The following TBPL2 variants were observed in gnomAD, a reference collection of about 807,000 sequenced individuals.
TBPL2 encodes the protein TATA-box binding protein like 2, also known as TATA box-binding protein-like 2.
A neutral mutation model predicts 38.2 loss-of-function variants in TBPL2; 40 were observed. The observed-to-expected ratio is 1.05, with a 90% CI of 0.81 to 1.36. The LOEUF is 1.36. Ranked by LOEUF, TBPL2 falls within the 40% of genes most tolerant of loss-of-function variation. The pLI, the probability that TBPL2 is intolerant of heterozygous loss-of-function variation, is 0.00. For synonymous variants in TBPL2, 169 were observed against 171.7 expected, an observed-to-expected ratio of 0.98 and a Z score of 0.12; for missense variants, 461 against 456.7, an observed-to-expected ratio of 1.01 and a Z score of -0.09.
chr14:55,435,295 G>C (rs1358618225), intron 3 of TBPL2, among the ~76,000 whole-genome samples: 1 of 91,866 alleles, frequency 1.1e-5, no homozygotes, highest in Non-Finnish European at 2.2e-5. Flanking sequence ...TTTTTTTTTT[G>C]GAGACGGAGT....
At chr14:55,425,031 CA>C (rs1361720586) in intron 5 of TBPL2, among the ~76,000 whole-genome samples, 4 of 152,212 alleles carry the variant, frequency 2.6e-5, no homozygotes, top group Admixed American at 2.6e-4. Flanking sequence ...AGCAATGGAA[CA>C]CTAGCATCTT....
At chr14:55,434,280 T>C (rs1885979799) in intron 3 of TBPL2, among the ~76,000 whole-genome samples, 2 of 152,148 alleles carry the variant, frequency 1.3e-5, no homozygotes, top group African/African-American at 2.4e-5. Context: ...TTGCCTCTTA[T>C]AGTTCTCAAA....
chr14:55,429,375 C>A (rs1430334832), intron 4 of TBPL2, among the ~76,000 whole-genome samples: 2 of 152,186 alleles, frequency 1.3e-5, no homozygotes, highest in African/African-American at 2.4e-5. Context: ...GGGGGTGGGG[C>A]CGAGCAATCT....
chr14:55,416,117 T>C (rs149736526), intron 6 of TBPL2, among the ~76,000 whole-genome samples: 18 of 152,254 alleles, frequency 1.2e-4, no homozygotes, highest in Non-Finnish European at 2.1e-4. Context: ...TTTAATGATA[T>C]CAGGTTTTAT....
At chr14:55,439,618 C>CCCCCCCCG (rs1555344751) in intron 1 of TBPL2, among the ~76,000 whole-genome samples, 1 of 60,244 alleles carries the variant, frequency 1.7e-5, no homozygotes, top group African/African-American at 7.7e-5. Context: ...AAGCAAACCC[C>CCCCCCCCG]CCCCCGTCTC....
At chr14:55,436,755 G>C in exon 2 of TBPL2, 1 of 1,614,196 alleles carries the variant, frequency 6.2e-7, no homozygotes, top group Non-Finnish European at 8.5e-7. Context: ...CGTCCTGTTC[G>C]CTGGGTGATG....
At chr14:55,419,950 A>G (rs1051428030) in intron 6 of TBPL2, among the ~76,000 whole-genome samples, 2 of 152,212 alleles carry the variant, frequency 1.3e-5, no homozygotes, top group African/African-American at 4.8e-5. Context: ...CAGTTGTGCC[A>G]TGCTGCACTA....
chr14:55,415,913 A>G lies in TBPL2; in HGVS notation c.1052-1458T>C, dbSNP rs1016303607. 2.6e-5 allele frequency among the ~76,000 whole-genome samples: 4 copies of G among 152,188 alleles called. No individual in the cohort carries two copies. In the South Asian group the frequency reaches 8.3e-4, roughly 31 times the overall value. ...GTATATACAATAGAATATTAGTCAT[A>G]AACAGAAATGAAGTACACATGCTAC... On this transcript the variant is annotated intron_variant, in intron 6 of 6. Coordinates refer to ENST00000247219, the Ensembl canonical transcript of TBPL2.
intron 5 of TBPL2, among the ~76,000 whole-genome samples, chr14:55,424,690 C>A (rs1023946876): frequency 1.3e-5 from 2 of 152,132 alleles, no homozygotes; most frequent in Admixed American, 1.3e-4. Context: ...CAGATAGAAC[C>A]TAAAAATATT....
chr14:55,434,369 C>T (rs571116672), intron 3 of TBPL2, among the ~76,000 whole-genome samples: 2 of 152,076 alleles, frequency 1.3e-5, no homozygotes, highest in South Asian at 4.1e-4. Flanking sequence ...CTCTGGCCTG[C>T]CACATGGACG....
At chr14:55,436,432 T>G in intron 2 of TBPL2, 129 bp downstream of exon 2, 3 of 886,702 alleles carry the variant, frequency 3.4e-6, no homozygotes, top group Non-Finnish European at 5.1e-6. Flanking sequence ...CATTTAGAAC[T>G]GATAAAACAA....
At chr14:55,414,273 A>C (rs1885635646) in exon 7 of TBPL2, 4 of 845,830 alleles carry the variant, frequency 4.7e-6, no homozygotes, top group Non-Finnish European at 7.5e-6. Flanking sequence ...TTAATAAGTA[A>C]CGTACTTGTA....
chr14:55,421,974 A>G (rs914581689), intron 6 of TBPL2, among the ~76,000 whole-genome samples: 1 of 152,222 alleles, frequency 6.6e-6, no homozygotes, highest in Non-Finnish European at 1.5e-5. Flanking sequence ...AGGAATATAC[A>G]TTTAAGAGAG....
intron 6 of TBPL2, among the ~76,000 whole-genome samples, chr14:55,420,231 C>T (rs948159158): frequency 9.9e-5 from 15 of 152,156 alleles, no homozygotes; most frequent in East Asian, 1.9e-4. Context: ...CCACAATGCC[C>T]GGCTAATTTT....
At chr14:55,433,854 A>G in intron 3 of TBPL2, 133 bp from the exon 4 acceptor site, 2 of 663,556 alleles carry the variant, frequency 3.0e-6, no homozygotes, top group Non-Finnish European at 4.9e-6. Flanking sequence ...TTTTCTCCCT[A>G]CATTAAGGTT....
intron 6 of TBPL2, among the ~76,000 whole-genome samples, chr14:55,417,401 A>T (rs2140163497): frequency 6.6e-6 from 1 of 151,464 alleles, no homozygotes; most frequent in East Asian, 1.9e-4. Context: ...ATCAATCAAT[A>T]ATCAAAAACC....
intron 5 of TBPL2, among the ~76,000 whole-genome samples, chr14:55,427,456 G>T (rs1279275800): frequency 6.6e-6 from 1 of 152,140 alleles, no homozygotes; most frequent in African/African-American, 2.4e-5. Flanking sequence ...ACAAATGTTA[G>T]GGAAAGCACA....
intron 1 of TBPL2, among the ~76,000 whole-genome samples, chr14:55,437,243 G>A (rs1772271284): frequency 6.6e-6 from 1 of 152,280 alleles, no homozygotes; most frequent in Non-Finnish European, 1.5e-5. Context: ...TTGGAAGGCT[G>A]AGGCAGGCGG....
intron 6 of TBPL2, among the ~76,000 whole-genome samples, chr14:55,419,234 G>C (rs1023907154): frequency 1.3e-5 from 2 of 152,234 alleles, no homozygotes; most frequent in Non-Finnish European, 2.9e-5. Context: ...ACAGCTGCTT[G>C]ATATCGTTAA....
Sources: gnomAD v4.1 joint callset for allele counts (sites outside exome capture counted in the v4.1 genomes callset) on GRCh38, gnomAD v4.1.1 for gene constraint, MANE v1.5 for transcripts, NCBI Gene and HGNC (gene_info 2026-07-23, HGNC 2026-07-21) for gene names.